Variants in PTPRT observed in about 807,000 individuals in gnomAD.
PTPRT encodes the protein receptor-type tyrosine-protein phosphatase T.
Under a neutral mutation model 176.8 loss-of-function variants are expected in PTPRT, and 56 were observed. The observed-to-expected ratio is 0.32, with a 90% CI of 0.26 to 0.40. The LOEUF (loss-of-function observed/expected upper bound fraction) is 0.40. Among genes scored for constraint, PTPRT ranks in the 10% least tolerant of loss-of-function variants. PTPRT has a pLI of 1.00. For synonymous variants in PTPRT, 783 were observed against 739.0 expected (o/e 1.06, Z -0.96); for missense variants, 1,540 against 1,908.2 (o/e 0.81, Z 3.60).
chr20:42,724,614 T>C (rs2076350695), intron 6 of PTPRT, among the ~76,000 whole-genome samples: 1 of 152,194 alleles, frequency 6.6e-6, no homozygotes, highest in Non-Finnish European at 1.5e-5. Context: ...ATTTGTTTCC[T>C]CAATTCTGCT....
chr20:42,770,829 T>C (rs1213594916), intron 5 of PTPRT, among the ~76,000 whole-genome samples: 2 of 152,170 alleles, frequency 1.3e-5, no homozygotes, highest in Non-Finnish European at 2.9e-5. Context: ...AAGGTCATAG[T>C]TACAAATTCT....
intron 7 of PTPRT, among the ~76,000 whole-genome samples, chr20:42,522,500 G>T (rs2072193866): frequency 6.6e-6 from 1 of 151,988 alleles, no homozygotes; most frequent in Non-Finnish European, 1.5e-5. Context: ...TCACTCTATT[G>T]CTCAGGCTGG....
At chr20:42,181,689 C>A (rs149439199) in intron 16 of PTPRT, among the ~76,000 whole-genome samples, 7 of 152,234 alleles carry the variant, frequency 4.6e-5, no homozygotes, top group Middle Eastern at 3.4e-3. Context: ...ATGATTCATT[C>A]AACAAATACC....
chr20:42,343,139 C>T lies in PTPRT; in HGVS notation c.1865+7489G>A, dbSNP rs79327638. Reference sequence around the variant, plus strand: ...GTCCTAACTGACCTTGTAAAAGGTCCCTTAGAAGTCCCCCACACTCTCCTA... The same window carrying T: ...GTCCTAACTGACCTTGTAAAAGGTCTCTTAGAAGTCCCCCACACTCTCCTA... On this transcript the variant is annotated intron_variant, in intron 11 of 30. Coordinates refer to ENST00000373187, the MANE Select transcript of PTPRT (RefSeq NM_007050.6). Among the ~76,000 whole-genome samples, 1,116 of 152,200 alleles carry T rather than the reference C, an allele frequency of 7.3e-3. 15 individuals carry two copies. Among genetic ancestry groups the T allele is most frequent in the African/African-American group, 0.025 (1,052 of 41,512 alleles).
chr20:42,035,308 C>T, the PTPRT span, among the ~76,000 whole-genome samples: 443 of 152,170 alleles, frequency 2.9e-3, 2 homozygotes, highest in African/African-American at 0.01. Flanking sequence ...TCTATAAAGA[C>T]GAAGTGACTT....
At chr20:42,250,987 T>C (rs6065450) in intron 13 of PTPRT, among the ~76,000 whole-genome samples, 83,683 of 152,078 alleles carry the variant, frequency 0.55, 23,361 homozygotes, top group Non-Finnish European at 0.58. Flanking sequence ...GTCTGACATT[T>C]AGGGATGGGG....
chr20:42,483,274 G>C (rs549872113), intron 7 of PTPRT, among the ~76,000 whole-genome samples: 1 of 151,986 alleles, frequency 6.6e-6, no homozygotes, highest in African/African-American at 2.4e-5. Flanking sequence ...CAAGGGATTC[G>C]CCTGCCTCTG....
At chr20:42,183,634 A>T (rs918353942) in intron 16 of PTPRT, among the ~76,000 whole-genome samples, 3 of 152,164 alleles carry the variant, frequency 2.0e-5, no homozygotes, top group Non-Finnish European at 4.4e-5. Context: ...GCCCCTGTAT[A>T]TGTATTCTTT....
chr20:42,626,405 C>A (rs1045812511), intron 7 of PTPRT, among the ~76,000 whole-genome samples: 1 of 152,176 alleles, frequency 6.6e-6, no homozygotes, highest in South Asian at 2.1e-4. Context: ...AGACTAAGAA[C>A]CCACTGGCCA....
At chr20:43,083,320 G>GTGTGTA (rs1299320498) in intron 1 of PTPRT, among the ~76,000 whole-genome samples, 3 of 37,388 alleles carry the variant, frequency 8.0e-5, no homozygotes, top group African/African-American at 2.0e-4. Flanking sequence ...CACTTCAAAT[G>GTGTGTA]TATATATATA....
At chr20:42,214,792 C>T (rs1174756259) in intron 15 of PTPRT, among the ~76,000 whole-genome samples, 1 of 152,216 alleles carries the variant, frequency 6.6e-6, no homozygotes, top group African/African-American at 2.4e-5. Flanking sequence ...GGCCCTCCTC[C>T]CTCTGGGTAC....
intron 15 of PTPRT, among the ~76,000 whole-genome samples, chr20:42,233,213 C>A (rs1298829663): frequency 1.3e-5 from 2 of 152,174 alleles, no homozygotes; most frequent in African/African-American, 2.4e-5. Flanking sequence ...TTCCAAACAT[C>A]CACGTCCTAC....
At chr20:42,838,829 C>T (rs1325986533) in intron 2 of PTPRT, among the ~76,000 whole-genome samples, 2 of 152,116 alleles carry the variant, frequency 1.3e-5, no homozygotes, top group Non-Finnish European at 2.9e-5. Context: ...ATTGGCTGCC[C>T]GCCCAGCCGT....
chr20:42,068,085 C>G (rs767148424), downstream of PTPRT, among the ~76,000 whole-genome samples: 6 of 152,118 alleles, frequency 3.9e-5, no homozygotes, highest in Non-Finnish European at 8.8e-5. Flanking sequence ...GAGGAGGAAG[C>G]ATTTGTTCAC....
At chr20:42,615,181 G>A (rs1260172329) in intron 7 of PTPRT, among the ~76,000 whole-genome samples, 1 of 126,934 alleles carries the variant, frequency 7.9e-6, no homozygotes, top group Non-Finnish European at 1.6e-5. Flanking sequence ...GTGAGAATAT[G>A]CGGTGTTTGG....
At chr20:42,345,274 C>T (rs1415301475) in intron 11 of PTPRT, among the ~76,000 whole-genome samples, 1 of 151,518 alleles carries the variant, frequency 6.6e-6, no homozygotes, top group East Asian at 1.9e-4. Context: ...GGCAGTCATA[C>T]CACACAGCAC....
chr20:42,319,694 T>G (rs2057772444), intron 11 of PTPRT, among the ~76,000 whole-genome samples: 1 of 152,216 alleles, frequency 6.6e-6, no homozygotes, highest in Admixed American at 6.5e-5. Flanking sequence ...TGACACTTTT[T>G]AGGAAAGGGT....
intron 12 of PTPRT, among the ~76,000 whole-genome samples, chr20:42,292,504 G>A (rs1221507209): frequency 2.0e-5 from 3 of 151,928 alleles, no homozygotes; most frequent in Non-Finnish European, 4.4e-5. Flanking sequence ...ACTGTGAGGT[G>A]GATACGACAA....
chr20:42,071,611 G>T (rs147784008), downstream of PTPRT, among the ~76,000 whole-genome samples: 1 of 152,094 alleles, frequency 6.6e-6, no homozygotes, highest in African/African-American at 2.4e-5. Flanking sequence ...GGGTGCATCA[G>T]GAACCACTGG....
Sources: allele counts gnomAD v4.1 joint callset (sites outside exome capture counted in the v4.1 genomes callset), GRCh38; gene constraint gnomAD v4.1.1; transcripts MANE v1.5; gene names NCBI Gene and HGNC (gene_info 2026-07-23, HGNC 2026-07-21).